Variants in GPATCH2 observed in about 807,000 individuals in gnomAD.
GPATCH2 encodes G patch domain-containing protein 2.
GPATCH2 carries 51 observed loss-of-function variants against 58.0 expected under a neutral mutation model. The observed-to-expected ratio is 0.88, with a 90% CI of 0.70 to 1.11. The LOEUF is 1.11. Ranked by LOEUF, GPATCH2 falls within the 50% of genes most tolerant of loss-of-function variation. The pLI, the probability that GPATCH2 is intolerant of heterozygous loss-of-function variation, is 0.00. For missense variants in GPATCH2, 625 were observed against 652.2 expected, an observed-to-expected ratio of 0.96 and a Z score of 0.45; for synonymous variants, 222 against 218.5, an observed-to-expected ratio of 1.02 and a Z score of -0.14.
chr1:217,569,587 C>T (rs182772042), intron 5 of GPATCH2, among the ~76,000 whole-genome samples: 4 of 151,770 alleles, frequency 2.6e-5, no homozygotes, highest in African/African-American at 4.8e-5. Context: ...CCCAGCTACT[C>T]GGGAGGCTGA....
intron 5 of GPATCH2, among the ~76,000 whole-genome samples, chr1:217,581,779 C>T (rs1303643833): frequency 1.3e-5 from 2 of 152,022 alleles, no homozygotes; most frequent in Non-Finnish European, 2.9e-5. Flanking sequence ...GGTGAAACCC[C>T]ATCTCTACTA....
At chr1:217,576,016 A>G (rs1342827751) in intron 5 of GPATCH2, among the ~76,000 whole-genome samples, 1 of 152,160 alleles carries the variant, frequency 6.6e-6, no homozygotes, top group Non-Finnish European at 1.5e-5. Flanking sequence ...GATATGTATT[A>G]ATCAAGGTTA....
chr1:217,587,393 G>T (rs1239212570), intron 5 of GPATCH2, among the ~76,000 whole-genome samples: 1 of 151,966 alleles, frequency 6.6e-6, no homozygotes, highest in Non-Finnish European at 1.5e-5. Flanking sequence ...CCTACAAAAT[G>T]ACTACTTAAA....
At chr1:217,564,993 C>G (rs1322310608) in intron 5 of GPATCH2, among the ~76,000 whole-genome samples, 2 of 152,130 alleles carry the variant, frequency 1.3e-5, no homozygotes, top group Non-Finnish European at 2.9e-5. Flanking sequence ...AAAGAAGAAG[C>G]AGAATGTTTA....
At chr1:217,447,203 T>G (rs924837459) in intron 9 of GPATCH2, among the ~76,000 whole-genome samples, 1 of 152,216 alleles carries the variant, frequency 6.6e-6, no homozygotes, top group Non-Finnish European at 1.5e-5. Flanking sequence ...ATTAGAAATA[T>G]TTCATGAATA....
intron 8 of GPATCH2, among the ~76,000 whole-genome samples, chr1:217,456,221 A>G (rs1659936488): frequency 6.6e-6 from 1 of 152,070 alleles, no homozygotes; most frequent in Non-Finnish European, 1.5e-5. Flanking sequence ...TGTAACACAC[A>G]CCATGCCCAC....
intron 5 of GPATCH2, among the ~76,000 whole-genome samples, chr1:217,592,444 C>G (rs568496718): frequency 2.9e-4 from 44 of 151,566 alleles, no homozygotes; most frequent in Non-Finnish European, 4.1e-4. Flanking sequence ...TGAAGGTATA[C>G]AAAAATGGAT....
chr1:217,614,105 T>G (rs772463418), intron 3 of GPATCH2, 36 bp downstream of exon 3: 4 of 1,228,946 alleles, frequency 3.3e-6, no homozygotes, highest in Non-Finnish European at 4.8e-6. Context: ...AATGAAGAAG[T>G]TTTTCCAAAG....
intron 8 of GPATCH2, among the ~76,000 whole-genome samples, chr1:217,460,287 C>A (rs1368481996): frequency 1.3e-5 from 2 of 152,182 alleles, no homozygotes; most frequent in Admixed American, 1.3e-4. Flanking sequence ...TCCCCCGTAC[C>A]TTACTACATC....
intron 5 of GPATCH2, among the ~76,000 whole-genome samples, chr1:217,574,099 G>A (rs748612069): frequency 3.9e-5 from 6 of 152,114 alleles, no homozygotes; most frequent in Admixed American, 2.6e-4. Flanking sequence ...GATAAATAAC[G>A]ATTATTCTTA....
At chr1:217,609,083 TCA>T in intron 5 of GPATCH2, 1 of 793,184 alleles carries the variant, frequency 1.3e-6, no homozygotes, top group East Asian at 1.3e-4. Context: ...ACATATTAAA[TCA>T]CATTGTTTTT....
chr1:217,519,284 T>G (rs1328974235), intron 5 of GPATCH2, among the ~76,000 whole-genome samples: 1 of 152,210 alleles, frequency 6.6e-6, no homozygotes, highest in East Asian at 1.9e-4. Flanking sequence ...CTTATAATAT[T>G]ACAGAATGGT....
chr1:217,434,588 C>T (rs1334606856), intron 9 of GPATCH2, among the ~76,000 whole-genome samples: 1 of 152,164 alleles, frequency 6.6e-6, no homozygotes, highest in Non-Finnish European at 1.5e-5. Context: ...CTGCTCTGGG[C>T]TATACATCTG....
chr1:217,603,531 A>G (rs1047479573), intron 5 of GPATCH2, among the ~76,000 whole-genome samples: 1 of 152,214 alleles, frequency 6.6e-6, no homozygotes, highest in African/African-American at 2.4e-5. Context: ...TATTCAAGTC[A>G]TATTTTCAAA....
intron 8 of GPATCH2, among the ~76,000 whole-genome samples, chr1:217,483,277 C>T (rs967445863): frequency 1.3e-4 from 20 of 151,964 alleles, no homozygotes; most frequent in African/African-American, 4.8e-4. Flanking sequence ...CTCTGCCTCC[C>T]AGGCTCAAGC....
At chr1:217,606,099 T>C (rs1448601029) in intron 5 of GPATCH2, among the ~76,000 whole-genome samples, 1 of 151,938 alleles carries the variant, frequency 6.6e-6, no homozygotes, top group Non-Finnish European at 1.5e-5. Context: ...CACATGAGCA[T>C]AATTAATTTA....
intron 5 of GPATCH2, among the ~76,000 whole-genome samples, chr1:217,587,483 G>A (rs2102759009): frequency 1.3e-5 from 2 of 152,254 alleles, no homozygotes; most frequent in East Asian, 3.9e-4. Context: ...ATTACACAGG[G>A]CCTTGAAACC....
intron 5 of GPATCH2, among the ~76,000 whole-genome samples, chr1:217,527,887 C>T (rs1365895582): frequency 6.6e-6 from 1 of 152,128 alleles, no homozygotes; most frequent in Non-Finnish European, 1.5e-5. Flanking sequence ...ATGTTGCAGA[C>T]TTAAAACATA....
intron 5 of GPATCH2, among the ~76,000 whole-genome samples, chr1:217,592,952 T>G (rs1372788630): frequency 6.6e-6 from 1 of 151,958 alleles, no homozygotes; most frequent in East Asian, 1.9e-4. Flanking sequence ...GATTCAAAAA[T>G]GGATCTATGG....
Sources: gnomAD v4.1 joint callset for allele counts (sites outside exome capture counted in the v4.1 genomes callset) on GRCh38, gnomAD v4.1.1 for gene constraint, MANE v1.5 for transcripts, NCBI Gene and HGNC (gene_info 2026-07-23, HGNC 2026-07-21) for gene names.